Variants in ESRRG observed in about 807,000 individuals in gnomAD.
ESRRG encodes estrogen related receptor gamma.
A neutral mutation model predicts 44.0 loss-of-function variants in ESRRG; 13 were observed. The ratio of observed to expected loss-of-function variants is 0.30; its 90% CI spans 0.19 to 0.47. The LOEUF (loss-of-function observed/expected upper bound fraction) is 0.47, where lower values mean the gene tolerates loss of function less well. ESRRG is among the 20% of genes least tolerant of loss of function. The pLI is 1.00. For synonymous variants in ESRRG, 215 were observed against 214.6 expected (o/e 1.00, Z -0.02); for missense variants, 395 against 580.6 (o/e 0.68, Z 3.29).
chr1:216,708,947 C>T (rs1422813520), intron 1 of ESRRG, among the ~76,000 whole-genome samples: 1 of 152,110 alleles, frequency 6.6e-6, no homozygotes, highest in Admixed American at 6.5e-5. Context: ...CCATCATTCT[C>T]AGCAAACTAA....
chr1:217,100,469 G>T (rs1005398635), intron 1 of ESRRG, among the ~76,000 whole-genome samples: 1 of 152,158 alleles, frequency 6.6e-6, no homozygotes, highest in Non-Finnish European at 1.5e-5. Flanking sequence ...ACAAACTGTG[G>T]GTTAGAGTGC....
intron 2 of ESRRG, among the ~76,000 whole-genome samples, chr1:216,788,792 T>A (rs929981064): frequency 1.3e-5 from 2 of 152,160 alleles, no homozygotes; most frequent in Non-Finnish European, 2.9e-5. Flanking sequence ...TTGTAATTTA[T>A]GGGAGGAGGT....
At chr1:216,828,037 T>A (rs1243584916) in intron 2 of ESRRG, among the ~76,000 whole-genome samples, 2 of 152,174 alleles carry the variant, frequency 1.3e-5, no homozygotes, top group Admixed American at 1.3e-4. Context: ...TTTCCTACCA[T>A]TTCATTGTTC....
chr1:216,935,250 G>A (rs866228110), intron 2 of ESRRG, among the ~76,000 whole-genome samples: 30 of 152,124 alleles, frequency 2.0e-4, no homozygotes, highest in African/African-American at 6.3e-4. Context: ...CAGGTTAGGG[G>A]CTCAGTCCCA....
intron 1 of ESRRG, among the ~76,000 whole-genome samples, chr1:216,986,044 C>T (rs1227587226): frequency 1.3e-5 from 2 of 152,068 alleles, no homozygotes; most frequent in Non-Finnish European, 2.9e-5. Context: ...CTTCTCAAGG[C>T]CCTGTGTACA....
intron 2 of ESRRG, among the ~76,000 whole-genome samples, chr1:216,860,075 C>T (rs1577334491): frequency 1.3e-5 from 2 of 152,156 alleles, no homozygotes; most frequent in South Asian, 4.1e-4. Context: ...ACCAGCCTGG[C>T]CAACAGGGTG....
At chr1:216,654,071 C>G (rs548738393) in intron 2 of ESRRG, among the ~76,000 whole-genome samples, 1 of 150,548 alleles carries the variant, frequency 6.6e-6, no homozygotes, top group South Asian at 2.1e-4. Flanking sequence ...TTCAGTGAGC[C>G]AAGATCATGC....
chr1:216,680,262 A>C (rs2076809380), intron 1 of ESRRG, among the ~76,000 whole-genome samples: 1 of 152,204 alleles, frequency 6.6e-6, no homozygotes, highest in African/African-American at 2.4e-5. Context: ...TGAATCCCCA[A>C]GATAACTTCG....
intron 1 of ESRRG, among the ~76,000 whole-genome samples, chr1:217,042,118 T>C (rs1189595430): frequency 6.6e-6 from 1 of 152,248 alleles, no homozygotes; most frequent in Non-Finnish European, 1.5e-5. Context: ...TACGTATTTC[T>C]GCTTTGATAA....
At position 217,047,395 on chromosome 1, in the gene ESRRG, TGAAACCCA is replaced by T. The variant is rs1237336400; in HGVS notation, c.-106+42104_-106+42111del. 2.0e-5 allele frequency among the ~76,000 whole-genome samples: 3 copies of T among 152,236 alleles called. No individual in the cohort carries two copies. In the East Asian group the frequency reaches 5.8e-4, roughly 29 times the overall value. The stretch of plus-strand genomic sequence containing the variant: ...GGTAAATGGCACTGTCATCCATCCA[TGAAACCCA>T]GAAACCTCGGACTCTCACATTCAGT... On this transcript the variant is annotated intron_variant, in intron 1 of 7. Transcript: ENST00000359162.
intron 3 of ESRRG, among the ~76,000 whole-genome samples, chr1:216,628,362 C>T (rs1228408519): frequency 1.3e-5 from 2 of 152,172 alleles, no homozygotes; most frequent in Non-Finnish European, 2.9e-5. Context: ...TCAAGCAAAC[C>T]TCCTTTCTCA....
At chr1:217,012,441 T>C (rs1052175581) in intron 1 of ESRRG, among the ~76,000 whole-genome samples, 2 of 152,216 alleles carry the variant, frequency 1.3e-5, no homozygotes, top group African/African-American at 4.8e-5. Flanking sequence ...TCTTGGAAAC[T>C]GCTACTGCTA....
intron 3 of ESRRG, among the ~76,000 whole-genome samples, chr1:216,640,282 G>A (rs1455241787): frequency 1.3e-5 from 2 of 152,112 alleles, no homozygotes; most frequent in African/African-American, 4.8e-5. Flanking sequence ...CAGGGAATTT[G>A]GCTAGCACCG....
At chr1:217,042,860 T>TC (rs1242633352) in intron 1 of ESRRG, among the ~76,000 whole-genome samples, 4 of 152,096 alleles carry the variant, frequency 2.6e-5, no homozygotes, top group Non-Finnish European at 4.4e-5. Context: ...TGTCAGCATT[T>TC]CCACTGTGCC....
At chr1:216,543,357 C>A (rs1236448438) in intron 5 of ESRRG, among the ~76,000 whole-genome samples, 3 of 151,880 alleles carry the variant, frequency 2.0e-5, no homozygotes, top group African/African-American at 7.3e-5. Context: ...CTATTTTATT[C>A]TTTTGTACAA....
chr1:216,983,666 T>C (rs1191829554), intron 1 of ESRRG, among the ~76,000 whole-genome samples: 1 of 138,748 alleles, frequency 7.2e-6, no homozygotes, highest in African/African-American at 2.7e-5. Flanking sequence ...AATAAAATAA[T>C]CCCTTTCGCG....
intron 3 of ESRRG, among the ~76,000 whole-genome samples, chr1:216,575,606 A>G (rs1245846225): frequency 2.6e-5 from 4 of 152,144 alleles, no homozygotes; most frequent in Admixed American, 2.6e-4. Flanking sequence ...AGGTGCTATT[A>G]TCATCCCATT....
chr1:216,891,334 G>A (rs950733650), intron 2 of ESRRG, among the ~76,000 whole-genome samples: 8 of 152,150 alleles, frequency 5.3e-5, no homozygotes, highest in African/African-American at 1.7e-4. Context: ...TCAATCCTGT[G>A]GCTGAATCTC....
intron 5 of ESRRG, among the ~76,000 whole-genome samples, chr1:216,544,084 GACA>G (rs1476282202): frequency 6.6e-6 from 1 of 151,994 alleles, no homozygotes; most frequent in Non-Finnish European, 1.5e-5. Flanking sequence ...GGTGGATGAT[GACA>G]ACAATTTCAC....
Sources: gnomAD v4.1 joint callset for allele counts (sites outside exome capture counted in the v4.1 genomes callset) on GRCh38, gnomAD v4.1.1 for gene constraint, MANE v1.5 for transcripts, NCBI Gene and HGNC (gene_info 2026-07-23, HGNC 2026-07-21) for gene names.